The following DIP2B variants were observed in gnomAD, a reference collection of about 807,000 sequenced individuals.
The protein encoded by DIP2B is disco-interacting protein 2 homolog B.
In DIP2B, 76 loss-of-function variants were observed where a neutral mutation model predicts 198.0. The ratio of observed to expected loss-of-function variants is 0.38; its 90% CI spans 0.32 to 0.46. DIP2B has a LOEUF of 0.46. Ranked by LOEUF, DIP2B falls within the 20% of genes least tolerant of loss-of-function variation. The pLI, the probability that DIP2B is intolerant of heterozygous loss-of-function variation, is 0.99. For synonymous variants in DIP2B, 701 were observed against 739.1 expected, an observed-to-expected ratio of 0.95 and a Z score of 0.84; for missense variants, 1,559 against 1,978.4, an observed-to-expected ratio of 0.79 and a Z score of 4.02.
chr12:50,672,771 G>A (rs1296943462), intron 5 of DIP2B, among the ~76,000 whole-genome samples: 1 of 152,140 alleles, frequency 6.6e-6, no homozygotes, highest in African/African-American at 2.4e-5. Flanking sequence ...TATTATTACT[G>A]TAGTGTATAT....
At chr12:50,539,271 C>G (rs1298247444) in intron 1 of DIP2B, among the ~76,000 whole-genome samples, 1 of 150,246 alleles carries the variant, frequency 6.7e-6, no homozygotes, top group Non-Finnish European at 1.5e-5. Context: ...TGCTCTGTCG[C>G]CTAGGCTGGA....
intron 1 of DIP2B, among the ~76,000 whole-genome samples, chr12:50,540,364 C>A (rs1166606284): frequency 6.6e-6 from 1 of 151,576 alleles, no homozygotes; most frequent in Admixed American, 6.6e-5. Context: ...GTGCCTTGGC[C>A]TCCCAAAGTG....
intron 32 of DIP2B, 128 bp downstream of exon 32, chr12:50,732,664 G>C: frequency 8.5e-7 from 1 of 1,180,728 alleles, no homozygotes; most frequent in Non-Finnish European, 1.2e-6. Context: ...GGAACTTCGG[G>C]CTTTTAAATC....
At chr12:50,549,634 G>A (rs909619755) in intron 1 of DIP2B, among the ~76,000 whole-genome samples, 2 of 147,958 alleles carry the variant, frequency 1.4e-5, no homozygotes, top group African/African-American at 5.0e-5. Context: ...GGGAGGCAGA[G>A]GTTGCAGTGA....
At chr12:50,717,896 C>CTTTTTTTT (rs60627093) in intron 23 of DIP2B, among the ~76,000 whole-genome samples, 3 of 87,056 alleles carry the variant, frequency 3.4e-5, no homozygotes, top group African/African-American at 9.2e-5. Context: ...CCATTATTCA[C>CTTTTTTTT]TTTTTTTTTT....
At chr12:50,593,694 T>TCC (rs1958839819) in intron 1 of DIP2B, among the ~76,000 whole-genome samples, 1 of 99,786 alleles carries the variant, frequency 1.0e-5, no homozygotes, top group African/African-American at 3.6e-5. Flanking sequence ...CACTCTTTTC[T>TCC]CCTCTCCTCT....
chr12:50,632,340 A>G (rs1938073768), intron 2 of DIP2B, among the ~76,000 whole-genome samples: 1 of 151,236 alleles, frequency 6.6e-6, no homozygotes, highest in African/African-American at 2.4e-5. Context: ...TTAGCCAGGC[A>G]TGGTGTCGCA....
chr12:50,552,980 T>C (rs1330261974), intron 1 of DIP2B, among the ~76,000 whole-genome samples: 1 of 151,858 alleles, frequency 6.6e-6, no homozygotes, highest in Non-Finnish European at 1.5e-5. Context: ...GGACTACAGG[T>C]GTGCGCCACC....
rs568302396 is a variant in DIP2B at position 50,676,982 on chromosome 12, TTAG to T, written c.916+1538_916+1540del. ...GTGAAACTATTTCATGAATGTTACG[TTAG>T]TAGAAAAATGAATCAAGGCATTTTA... On this transcript the variant is annotated intron_variant, in intron 7 of 37. Coordinates refer to ENST00000301180, the MANE Select transcript of DIP2B (RefSeq NM_173602.3). 3.9e-3 allele frequency among the ~76,000 whole-genome samples: 590 copies of T among 152,268 alleles called. 3 individuals are homozygous for T. Among genetic ancestry groups the T allele is most frequent in the African/African-American group, 0.013 (552 of 41,556 alleles).
intron 1 of DIP2B, among the ~76,000 whole-genome samples, chr12:50,552,612 TTC>T (rs1958436457): frequency 6.6e-6 from 1 of 152,126 alleles, no homozygotes; most frequent in Admixed American, 6.5e-5. Context: ...AAGTTAACTT[TTC>T]TCTCTGTTGA....
intron 1 of DIP2B, among the ~76,000 whole-genome samples, chr12:50,526,850 G>T (rs1394907527): frequency 6.6e-6 from 1 of 151,942 alleles, no homozygotes; most frequent in Admixed American, 6.6e-5. Flanking sequence ...TGGCCAGGTT[G>T]GTCCCAAACT....
At chr12:50,686,504 G>T in intron 11 of DIP2B, 69 bp from the exon 12 acceptor site, 2 of 1,342,966 alleles carry the variant, frequency 1.5e-6, no homozygotes, top group South Asian at 2.6e-5. Flanking sequence ...TATTTAAAAT[G>T]ACCAGTTCAG....
At chr12:50,582,635 A>G (rs1958735844) in intron 1 of DIP2B, among the ~76,000 whole-genome samples, 1 of 152,170 alleles carries the variant, frequency 6.6e-6, no homozygotes, top group Non-Finnish European at 1.5e-5. Flanking sequence ...GTAGAACTGT[A>G]TGGTGAATCT....
chr12:50,734,247 A>C (rs1400250109), intron 33 of DIP2B, 51 bp downstream of exon 33: 6 of 1,589,164 alleles, frequency 3.8e-6, no homozygotes, highest in Non-Finnish European at 5.2e-6. Flanking sequence ...AAGCATAACA[A>C]ATTCGGAACC....
At chr12:50,515,615 G>A (rs896075222) in intron 1 of DIP2B, among the ~76,000 whole-genome samples, 3 of 152,082 alleles carry the variant, frequency 2.0e-5, no homozygotes, top group Non-Finnish European at 4.4e-5. Context: ...CCTTCCTCGT[G>A]CTCTCTCTGG....
Position 50,706,648 on chromosome 12 carries a change from G to C in DIP2B, c.2517G>C (p.Lys839Asn). 1 of 1,614,000 alleles carries C rather than the reference G, an allele frequency of 6.2e-7. No homozygotes were observed. The highest frequency in any genetic ancestry group is 2.2e-5 in the East Asian group (1 of 44,850). The change falls in exon 21 of 38, where the codon AAG (lysine) becomes AAC (asparagine). Residue 839 changes from lysine to asparagine, a missense_variant. Lys to Asn is a moderately conservative substitution (Grantham distance 94). Coordinates refer to ENST00000301180, the MANE Select transcript of DIP2B (RefSeq NM_173602.3). The stretch of plus-strand genomic sequence containing the variant: ...CTGGATTGGCTGTAGAATCAATAAA[G>C]ACTGTTTATAGAGGAAGGTGAGTAG... ...VATGLAVESI[K>N]TVYRGRIAVF...
chr12:50,521,478 C>T, intron 1 of DIP2B, among the ~76,000 whole-genome samples: 2 of 146,346 alleles, frequency 1.4e-5, no homozygotes, highest in South Asian at 2.2e-4. Flanking sequence ...AGTTAGACTT[C>T]AGGTTTCTTT....
At position 50,745,852 on chromosome 12, in the gene DIP2B, C is replaced by T. The variant is rs1940333880; in HGVS notation, c.*1013C>T. ...TTTAGGATTTCCTCTTTTCCAGGCA[C>T]ATTGTAAACTGTGTCTACAGTTTAT... On this transcript the variant is annotated 3_prime_UTR_variant, in exon 38 of 38. Transcript: ENST00000301180. 1 of 152,222 alleles carries T rather than the reference C, an allele frequency of 6.6e-6. No individual in the cohort carries two copies. The highest frequency in any genetic ancestry group is 2.1e-4 in the South Asian group (1 of 4,830). 9.4% of individuals were successfully genotyped at this position (152,222 alleles called of 1,614,324 possible).
intron 1 of DIP2B, among the ~76,000 whole-genome samples, chr12:50,541,063 C>T (rs779873629): frequency 2.6e-5 from 4 of 152,118 alleles, no homozygotes; most frequent in African/African-American, 4.8e-5. Context: ...TACATTAACA[C>T]TCTTTTCCTT....
Sources: gnomAD v4.1 joint callset for allele counts (sites outside exome capture counted in the v4.1 genomes callset) on GRCh38, gnomAD v4.1.1 for gene constraint, MANE v1.5 for transcripts, NCBI Gene and HGNC (gene_info 2026-07-23, HGNC 2026-07-21) for gene names.